Variants in SMG5 observed in about 807,000 individuals in gnomAD.
The protein encoded by SMG5 is SMG5 nonsense mediated mRNA decay factor, also known as nonsense-mediated mRNA decay factor SMG5.
A neutral mutation model predicts 122.9 loss-of-function variants in SMG5; 53 were observed. That is an observed-to-expected ratio of 0.43 (90% CI 0.35 to 0.54). The LOEUF is 0.54. Among genes scored for constraint, SMG5 ranks in the 20% least tolerant of loss-of-function variants. The pLI is 0.01. For missense variants in SMG5, 1,153 were observed against 1,285.6 expected (o/e 0.90, Z 1.58); for synonymous variants, 477 against 490.2 (o/e 0.97, Z 0.35).
At chr1:156,291,323 T>A in the SMG5 span, 1 of 1,497,070 alleles carries the variant, frequency 6.7e-7, no homozygotes. Flanking sequence ...ACCGTCAGCC[T>A]ATTGCCAATC....
At chr1:156,255,347 T>G (rs1049649484) in intron 16 of SMG5, among the ~76,000 whole-genome samples, 4 of 150,842 alleles carry the variant, frequency 2.7e-5, no homozygotes, top group African/African-American at 7.3e-5. Context: ...GAGACCAGCC[T>G]GAGCAACATG....
Position 156,277,233 on chromosome 1 carries a change from G to A in SMG5, c.306C>T (p.His102=), listed in dbSNP as rs1662723474. Residue 102 remains histidine (H), a synonymous_variant, in exon 4 of 22, where the codon CAC becomes CAT. Coordinates refer to ENST00000361813, the MANE Select transcript of SMG5 (RefSeq NM_015327.3). ...QLIKTNKKHI[H]SRSTLECAYR... ...AGGCACATTCCAAAGTGCTCCGGCT[G>A]TGGATGTGCTACAGATTGCGAAAGG... 1.2e-6 allele frequency: 2 copies of A among 1,612,936 alleles called. No individual in the cohort carries two copies. The highest frequency in any genetic ancestry group is 1.7e-6 in the Non-Finnish European group (2 of 1,179,822).
At chr1:156,277,294 C>G in intron 3 of SMG5, 53 bp from the exon 4 acceptor site, 3 of 1,567,970 alleles carry the variant, frequency 1.9e-6, no homozygotes, top group Non-Finnish European at 2.6e-6. Context: ...CAGAGTCGCA[C>G]TCACCCTCCC....
chr1:156,259,741 G>A (rs1466622415), intron 15 of SMG5, among the ~76,000 whole-genome samples: 2 of 152,048 alleles, frequency 1.3e-5, no homozygotes, highest in African/African-American at 4.8e-5. Flanking sequence ...TATTGCCCAG[G>A]CTGTTCTTAA....
rs1282046368 is a variant in SMG5, at chr1:156,266,254, C to T, written c.1382G>A (p.Arg461His). ...RKFSRLSCLR[R>H]RRHPPKVGDD... is the part of the protein sequence containing the mutation. ...ACCAACTTTGGGTGGGTGGCGGCGA[C>T]GGCGGAGACAGGAGAGGCGAGAGAA... Residue 461 changes from arginine to histidine, a missense_variant, in exon 12 of 22, where the codon CGT becomes CAT. Around this residue, in one of 5 missense-constraint regions of SMG5, gnomAD observed 631 missense variants for 650.6 expected, o/e 0.97. Coordinates refer to ENST00000361813, the MANE Select transcript of SMG5 (RefSeq NM_015327.3). 7 of 1,614,104 alleles carry T rather than the reference C, an allele frequency of 4.3e-6. No individual in the cohort carries two copies. The highest frequency in any genetic ancestry group is 3.4e-6 in the Non-Finnish European group (4 of 1,180,058).
At chr1:156,257,516 A>G (rs886250478) in intron 16 of SMG5, among the ~76,000 whole-genome samples, 1 of 152,140 alleles carries the variant, frequency 6.6e-6, no homozygotes, top group Non-Finnish European at 1.5e-5. Context: ...CCCGACAGGA[A>G]GAGTGTCTTC....
At chr1:156,286,221 GC>G (rs747173885), upstream of SMG5, 11 of 1,593,700 alleles carry the variant, frequency 6.9e-6, no homozygotes, top group Non-Finnish European at 9.5e-6. Flanking sequence ...CCCTTCCCCT[GC>G]CTTTTCTGAC....
chr1:156,262,959 G>A (rs1273693451), intron 13 of SMG5, among the ~76,000 whole-genome samples: 1 of 152,218 alleles, frequency 6.6e-6, no homozygotes, highest in Non-Finnish European at 1.5e-5. Context: ...GCTCGGTCCT[G>A]TGTGACTCTC....
At chr1:156,286,112 G>A, upstream of SMG5, 2 of 1,415,630 alleles carry the variant, frequency 1.4e-6, no homozygotes, top group South Asian at 1.3e-5. Flanking sequence ...CCCCCTGCCA[G>A]TCTGCATGCC....
In SMG5 at chr1:156,250,154, C is replaced by T; in HGVS notation, c.*433G>A. 2.8e-6 allele frequency: 1 copy of T among 356,144 alleles called. No individual in the cohort carries two copies. Among genetic ancestry groups the T allele is most frequent in the Non-Finnish European group, 5.6e-6 (1 of 178,860 alleles). The allele number at this position is 356,144 out of a possible 1,614,324, so 22.1% of individuals were successfully genotyped here. A position where few individuals can be genotyped will look rare whatever the true frequency, so the allele number is the denominator to read the frequency against. Reference sequence around the variant, plus strand: ...CTCAGACACCAGGTATTACCCAGCTCTTCCCCCAAGACCTAGAGGGTCCAA... The same window carrying T: ...CTCAGACACCAGGTATTACCCAGCTTTTCCCCCAAGACCTAGAGGGTCCAA... On this transcript the variant is annotated 3_prime_UTR_variant, in exon 22 of 22. Coordinates refer to ENST00000361813, the MANE Select transcript of SMG5 (RefSeq NM_015327.3).
chr1:156,273,739 T>TTA lies in SMG5; in HGVS notation c.545-290_545-289insTA, dbSNP rs1491470386. 7.5e-3 allele frequency among the ~76,000 whole-genome samples: 989 copies of TTA among 132,556 alleles called. 21 individuals are homozygous for TTA. Among genetic ancestry groups the TTA allele is most frequent in the African/African-American group, 0.023 (901 of 38,562 alleles). The allele number at this position is 132,556 out of a possible 152,430, so 87.0% of individuals were successfully genotyped here. A position where few individuals can be genotyped will look rare whatever the true frequency, so the allele number is the denominator to read the frequency against. ...TTTTCTTTTTTTTTTTTTTTTTTTTTAGAGACGGGGTCTTGCTGTCACCCA... is the reference window on the plus strand; with the variant it reads ...TTTTCTTTTTTTTTTTTTTTTTTTTTTAAGAGACGGGGTCTTGCTGTCACCCA... On this transcript the variant is annotated intron_variant, in intron 5 of 21. Coordinates refer to ENST00000361813, the MANE Select transcript of SMG5 (RefSeq NM_015327.3).
At chr1:156,270,030 ACT>A (rs1319324577) in intron 7 of SMG5, among the ~76,000 whole-genome samples, 1 of 152,020 alleles carries the variant, frequency 6.6e-6, no homozygotes, top group East Asian at 1.9e-4. Context: ...ACAGAGCAAG[ACT>A]CTGTCTCAAA....
At chr1:156,266,801 CTT>C (rs370875877) in intron 10 of SMG5, 123 bp from the exon 11 acceptor site, 42,670 of 861,984 alleles carry the variant, frequency 0.05, no homozygotes, top group South Asian at 0.075. Context: ...ATCAAAGATT[CTT>C]TTTTTTTTTT....
chr1:156,289,082 A>G, the SMG5 span, among the ~76,000 whole-genome samples: 1 of 152,188 alleles, frequency 6.6e-6, no homozygotes, highest in African/African-American at 2.4e-5. Flanking sequence ...TTTACCATGG[A>G]CAAGTTCATT....
chr1:156,279,243 G>A (rs1352824938), intron 1 of SMG5, among the ~76,000 whole-genome samples: 1 of 139,564 alleles, frequency 7.2e-6, no homozygotes, highest in African/African-American at 2.7e-5. Flanking sequence ...CGCCCACCAG[G>A]GGACATTTGG....
chr1:156,278,415 G>A (rs1462389635), intron 2 of SMG5, among the ~76,000 whole-genome samples: 1 of 144,162 alleles, frequency 6.9e-6, no homozygotes, highest in African/African-American at 2.6e-5. Flanking sequence ...CACTCACTCT[G>A]TGGCAGTGGC....
At chr1:156,270,654 G>T (rs1662367671) in intron 7 of SMG5, among the ~76,000 whole-genome samples, 1 of 152,184 alleles carries the variant, frequency 6.6e-6, no homozygotes, top group South Asian at 2.1e-4. Context: ...ATGCTTATGA[G>T]TATGATGAGG....
chr1:156,286,733 C>A (rs1663175101), upstream of SMG5, among the ~76,000 whole-genome samples: 1 of 152,230 alleles, frequency 6.6e-6, no homozygotes, highest in Non-Finnish European at 1.5e-5. Context: ...CCCATTGCAG[C>A]CACTCCTGTG....
chr1:156,291,461 C>A, the SMG5 span: 1 of 1,613,858 alleles, frequency 6.2e-7, no homozygotes, highest in Non-Finnish European at 8.5e-7. Flanking sequence ...TCTGCCACTG[C>A]TGTCGATGCT....
Sources: gnomAD v4.1 joint callset for allele counts (sites outside exome capture counted in the v4.1 genomes callset) on GRCh38, gnomAD v4.1.1 for gene constraint, gnomAD v4.1.1 regional missense constraint, MANE v1.5 for transcripts, NCBI Gene and HGNC (gene_info 2026-07-23, HGNC 2026-07-21) for gene names.